The following SHISAL2B variants were observed in gnomAD, a reference collection of about 807,000 sequenced individuals.
SHISAL2B encodes shisa like 2B.
Under a neutral mutation model 16.5 loss-of-function variants are expected in SHISAL2B, and 12 were observed. The ratio of observed to expected loss-of-function variants is 0.73; its 90% CI spans 0.47 to 1.18. The LOEUF (loss-of-function observed/expected upper bound fraction) is 1.18, where lower values mean the gene tolerates loss of function less well. Among genes scored for constraint, SHISAL2B ranks in the 50% most tolerant of loss-of-function variants. The pLI is 0.00. For synonymous variants in SHISAL2B, 72 were observed against 75.0 expected (o/e 0.96, Z 0.21); for missense variants, 183 against 193.6 (o/e 0.95, Z 0.33).
intron 1 of SHISAL2B, among the ~76,000 whole-genome samples, chr5:64,694,587 A>T (rs1051695944): frequency 1.3e-5 from 2 of 152,238 alleles, no homozygotes; most frequent in African/African-American, 4.8e-5. Flanking sequence ...TCAGATACAC[A>T]TTTATTTTTA....
At chr5:64,691,097 C>G (rs1436089379) in intron 1 of SHISAL2B, 1 of 353,924 alleles carries the variant, frequency 2.8e-6, no homozygotes, top group Non-Finnish European at 5.1e-6. Flanking sequence ...CTGGCTGGCC[C>G]CGCTGAGTTC....
rs1742085582 is a variant in SHISAL2B at position 64,718,059 on chromosome 5, T to C, written c.*37T>C. 6.9e-7 allele frequency: 1 copy of C among 1,453,644 alleles called. No individual in the cohort carries two copies. The highest frequency in any genetic ancestry group is 9.0e-7 in the Non-Finnish European group (1 of 1,113,574). The allele number at this position is 1,453,644 out of a possible 1,614,324, so 90.0% of individuals were successfully genotyped here. A position where few individuals can be genotyped will look rare whatever the true frequency, so the allele number is the denominator to read the frequency against. On this transcript the variant is annotated 3_prime_UTR_variant, in exon 3 of 3. Transcript: ENST00000389074. ...GTGTTTTAAATGCTTACTGGAGAGA[T>C]GGGACAATAAAAATAAAGCGTGCAC... is the stretch of plus-strand genomic sequence containing the variant.
At chr5:64,698,378 A>G (rs7711517) in intron 2 of SHISAL2B, among the ~76,000 whole-genome samples, 19,019 of 152,212 alleles carry the variant, frequency 0.12, 3,729 homozygotes, top group African/African-American at 0.42. Flanking sequence ...AGTCTTCATC[A>G]TGACCTGTGG....
At chr5:64,693,147 AC>A (rs1479406970) in intron 1 of SHISAL2B, among the ~76,000 whole-genome samples, 6 of 151,920 alleles carry the variant, frequency 3.9e-5, no homozygotes, top group Non-Finnish European at 5.9e-5. Context: ...AGCTGGGACT[AC>A]AGGCGCCTGC....
intron 1 of SHISAL2B, among the ~76,000 whole-genome samples, chr5:64,693,672 T>C (rs1365980299): frequency 6.6e-6 from 1 of 152,174 alleles, no homozygotes; most frequent in Non-Finnish European, 1.5e-5. Context: ...GATCCTAACC[T>C]TCCCTGACAC....
intron 2 of SHISAL2B, among the ~76,000 whole-genome samples, chr5:64,701,876 C>A (rs895885218): frequency 1.3e-5 from 2 of 152,256 alleles, no homozygotes; most frequent in African/African-American, 4.8e-5. Context: ...CTGCTATATT[C>A]GTCTTAGAAG....
intron 2 of SHISAL2B, among the ~76,000 whole-genome samples, chr5:64,713,810 C>T (rs1409057758): frequency 3.5e-5 from 4 of 115,046 alleles, no homozygotes; most frequent in South Asian, 6.3e-4. Context: ...TTGCTGATAC[C>T]CTTTCTTCCA....
intron 2 of SHISAL2B, among the ~76,000 whole-genome samples, chr5:64,704,106 T>C (rs763072696): frequency 1.4e-4 from 21 of 152,198 alleles, no homozygotes; most frequent in Non-Finnish European, 2.6e-4. Context: ...GGTTAGTACG[T>C]GGAAGCTGCT....
intron 2 of SHISAL2B, among the ~76,000 whole-genome samples, chr5:64,695,978 T>G (rs752490375): frequency 6.6e-6 from 1 of 152,218 alleles, no homozygotes; most frequent in South Asian, 2.1e-4. Context: ...AAAATTTTGA[T>G]TTTGGATGGA....
intron 2 of SHISAL2B, among the ~76,000 whole-genome samples, chr5:64,706,492 C>T (rs1242821539): frequency 6.6e-6 from 1 of 152,174 alleles, no homozygotes; most frequent in Non-Finnish European, 1.5e-5. Context: ...ATTTATTTTC[C>T]TTTCACATTT....
chr5:64,714,976 T>C (rs1377772488), intron 2 of SHISAL2B, among the ~76,000 whole-genome samples: 1 of 152,064 alleles, frequency 6.6e-6, no homozygotes, highest in African/African-American at 2.4e-5. Flanking sequence ...GTACCTCAGA[T>C]GGAAATGCAG....
chr5:64,706,362 A>C (rs771244737), intron 2 of SHISAL2B, among the ~76,000 whole-genome samples: 2 of 152,210 alleles, frequency 1.3e-5, no homozygotes, highest in African/African-American at 2.4e-5. Flanking sequence ...TCAGATATGC[A>C]TTTGTCTCAG....
At chr5:64,709,772 A>G (rs1321835030) in intron 2 of SHISAL2B, among the ~76,000 whole-genome samples, 2 of 151,752 alleles carry the variant, frequency 1.3e-5, no homozygotes, top group Non-Finnish European at 2.9e-5. Flanking sequence ...TTTGATTTGC[A>G]TTTCTCTGAT....
rs1406969517 is a variant in SHISAL2B at position 64,708,668 on chromosome 5, C to T, written c.350-9221C>T. Among the ~76,000 whole-genome samples, 7 of 152,136 alleles carry T rather than the reference C, an allele frequency of 4.6e-5. No homozygotes were observed. In the East Asian group the frequency reaches 1.2e-3, roughly 25 times the overall value. ...TAATTTTTAGAAAATGTTTACTTTG[C>T]AAAGTCAATACTTTTTTTATTTCTT... On this transcript the variant is annotated intron_variant, in intron 2 of 2. Coordinates refer to ENST00000389074, the MANE Select transcript of SHISAL2B (RefSeq NM_001164442.2).
chr5:64,709,306 C>A (rs1406304308), intron 2 of SHISAL2B, among the ~76,000 whole-genome samples: 9 of 150,778 alleles, frequency 6.0e-5, no homozygotes, highest in African/African-American at 2.2e-4. Context: ...TTTGTTCTTG[C>A]GATAGTTTAC....
At chr5:64,701,042 C>A (rs750892703) in intron 2 of SHISAL2B, among the ~76,000 whole-genome samples, 1 of 152,184 alleles carries the variant, frequency 6.6e-6, no homozygotes. Context: ...AGCACTGGTC[C>A]ATGGCCCAGG....
intron 2 of SHISAL2B, among the ~76,000 whole-genome samples, chr5:64,700,002 C>A (rs1335024402): frequency 6.6e-6 from 1 of 152,192 alleles, no homozygotes; most frequent in Non-Finnish European, 1.5e-5. Flanking sequence ...AGTTGTGTTC[C>A]ATAACCACCT....
chr5:64,696,110 A>C (rs958860852), intron 2 of SHISAL2B, among the ~76,000 whole-genome samples: 2 of 152,222 alleles, frequency 1.3e-5, no homozygotes, highest in Non-Finnish European at 2.9e-5. Context: ...ATCAGTTCCC[A>C]AAATTAATAC....
chr5:64,715,005 G>A lies in SHISAL2B; in HGVS notation c.350-2884G>A, dbSNP rs529851839. 1.1e-4 allele frequency among the ~76,000 whole-genome samples: 16 copies of A among 152,162 alleles called. No homozygotes were observed. The South Asian group carries it at 1.7e-3, about 16-fold the overall frequency. The stretch of plus-strand genomic sequence containing the variant: ...AATGCAGAAATCACCCGTCTTCTGC[G>A]TCGCTCACGCTGGGAGCTGTAGACC... On this transcript the variant is annotated intron_variant, in intron 2 of 2. Coordinates refer to ENST00000389074, the MANE Select transcript of SHISAL2B (RefSeq NM_001164442.2).
Sources: gnomAD v4.1 joint callset for allele counts (sites outside exome capture counted in the v4.1 genomes callset) on GRCh38, gnomAD v4.1.1 for gene constraint, MANE v1.5 for transcripts, NCBI Gene and HGNC (gene_info 2026-07-23, HGNC 2026-07-21) for gene names.